The following DTNBP1 variants were observed in gnomAD, a reference collection of about 807,000 sequenced individuals.
The protein encoded by DTNBP1 is dysbindin.
A neutral mutation model predicts 42.8 loss-of-function variants in DTNBP1; 35 were observed. The ratio of observed to expected loss-of-function variants is 0.82; its 90% CI spans 0.63 to 1.09. The LOEUF is 1.09. DTNBP1 is among the 50% of genes least tolerant of loss of function. The pLI, the probability that DTNBP1 is intolerant of heterozygous loss-of-function variation, is 0.00. For synonymous variants in DTNBP1, 171 were observed against 162.2 expected (o/e 1.05, Z -0.41); for missense variants, 457 against 424.2 (o/e 1.08, Z -0.68).
chr6:15,627,486 C>G lies in DTNBP1; in HGVS notation c.223-11G>C. 6.2e-7 allele frequency: 1 copy of G among 1,613,702 alleles called. No individual in the cohort carries two copies. Among genetic ancestry groups the G allele is most frequent in the Non-Finnish European group, 8.5e-7 (1 of 1,179,836 alleles). On this transcript the variant is annotated splice_polypyrimidine_tract_variant and intron_variant, in intron 4 of 9. Transcript: ENST00000344537. ...CTCGCTATCCACCAGCTGCAGCACA[C>G]AAGAAGGGGGGTAAAGTGAAACCAG...
intron 7 of DTNBP1, among the ~76,000 whole-genome samples, chr6:15,575,837 C>T (rs1202526006): frequency 1.3e-5 from 2 of 152,126 alleles, no homozygotes; most frequent in Non-Finnish European, 1.5e-5. Context: ...CAGAGGGAAA[C>T]AGGAAATAGC....
At chr6:15,566,700 CCTTT>C (rs1336290577) in intron 7 of DTNBP1, among the ~76,000 whole-genome samples, 10 of 146,208 alleles carry the variant, frequency 6.8e-5, no homozygotes, top group African/African-American at 1.8e-4. Context: ...GAATGAATCT[CCTTT>C]TTTTTTTTTT....
intron 7 of DTNBP1, among the ~76,000 whole-genome samples, chr6:15,591,875 AG>A (rs1477319420): frequency 2.0e-5 from 3 of 152,254 alleles, no homozygotes; most frequent in Non-Finnish European, 4.4e-5. Flanking sequence ...GCATTTTATA[AG>A]GATTTCAAAT....
In DTNBP1 at chr6:15,590,046, C is replaced by A. The variant is rs188728697; in HGVS notation, c.511+3013G>T. 2.4e-3 allele frequency among the ~76,000 whole-genome samples: 367 copies of A among 152,244 alleles called. 1 individual carries two copies. The highest frequency in any genetic ancestry group is 8.5e-3 in the African/African-American group (355 of 41,542). On this transcript the variant is annotated intron_variant, in intron 7 of 9. Coordinates refer to ENST00000344537, the MANE Select transcript of DTNBP1 (RefSeq NM_032122.5). ...CTCCCAGGTTCAAGCAATTCTCATG[C>A]CCCAGCCTCCCAAGTAGCTGGGACT...
intron 7 of DTNBP1, among the ~76,000 whole-genome samples, chr6:15,563,508 T>A (rs1467208423): frequency 1.3e-5 from 2 of 152,228 alleles, no homozygotes; most frequent in South Asian, 2.1e-4. Flanking sequence ...TAACGTTAGA[T>A]ACTGACCATC....
intron 3 of DTNBP1, among the ~76,000 whole-genome samples, chr6:15,648,835 A>G (rs1017232131): frequency 6.6e-6 from 1 of 152,100 alleles, no homozygotes; most frequent in African/African-American, 2.4e-5. Flanking sequence ...TTTAATCCCA[A>G]TCAAAACCCC....
At chr6:15,585,796 G>A (rs1460091758) in intron 7 of DTNBP1, 1 of 1,522,500 alleles carries the variant, frequency 6.6e-7, no homozygotes, top group Non-Finnish European at 8.8e-7. Context: ...CAGAAGCTCA[G>A]TGCTGGTCAA....
rs117323260 is a variant in DTNBP1, at chr6:15,653,304, C to G, written c.57-1164G>C. On this transcript the variant is annotated intron_variant, in intron 1 of 9. Coordinates refer to ENST00000344537, the MANE Select transcript of DTNBP1 (RefSeq NM_032122.5). ...AGTACTCTCCCCTGATACTTCTGAG[C>G]TAGAAATGCATCTTCATCTATTAAC... Among the ~76,000 whole-genome samples, 37 of 152,310 alleles carry G rather than the reference C, an allele frequency of 2.4e-4. No individual in the cohort carries two copies. The East Asian group carries it at 7.1e-3, about 29-fold the overall frequency.
intron 7 of DTNBP1, among the ~76,000 whole-genome samples, chr6:15,562,835 G>A (rs902158720): frequency 2.0e-5 from 3 of 152,162 alleles, no homozygotes; most frequent in Admixed American, 1.3e-4. Flanking sequence ...AGCTGCCATC[G>A]TTTCTCACTA....
intron 4 of DTNBP1, among the ~76,000 whole-genome samples, chr6:15,633,104 G>A (rs930707131): frequency 2.0e-5 from 3 of 152,126 alleles, no homozygotes; most frequent in African/African-American, 7.2e-5. Context: ...ACAGAGTATC[G>A]ACAGCTAATA....
chr6:15,640,931 G>A (rs1172161011), intron 3 of DTNBP1, among the ~76,000 whole-genome samples: 6 of 152,252 alleles, frequency 3.9e-5, no homozygotes, highest in East Asian at 1.9e-4. Flanking sequence ...GCTTGTACAC[G>A]GCTTATGAAA....
Position 15,662,924 on chromosome 6 carries a change from G to C in DTNBP1, c.-55C>G. On this transcript the variant is annotated 5_prime_UTR_variant, in exon 1 of 10. Transcript: ENST00000344537. ...GCCTCGGGCTGCTGCTGCCTCTGTC[G>C]CCCCCTGGGTCCCACGCCGCCAACC... 1 of 1,596,672 alleles carries C rather than the reference G, an allele frequency of 6.3e-7. No individual in the cohort carries two copies. Among genetic ancestry groups the C allele is most frequent in the Non-Finnish European group, 8.5e-7 (1 of 1,176,850 alleles).
At chr6:15,562,964 C>G (rs1161665247) in intron 7 of DTNBP1, among the ~76,000 whole-genome samples, 1 of 152,238 alleles carries the variant, frequency 6.6e-6, no homozygotes, top group Non-Finnish European at 1.5e-5. Context: ...GTTTCCATTG[C>G]TCATTAAAAG....
Position 15,524,417 on chromosome 6 carries a change from T to C in DTNBP1, c.811+109A>G, listed in dbSNP as rs768829840. On this transcript the variant is annotated intron_variant, in intron 9 of 9. Coordinates refer to ENST00000344537, the MANE Select transcript of DTNBP1 (RefSeq NM_032122.5). ...AGGGAGCCAGGAGCTGGCTGTGAGC[T>C]TGGGGGTTTATGCGTAAGTGACTGG... 9 of 1,614,016 alleles carry C rather than the reference T, an allele frequency of 5.6e-6. No individual in the cohort carries two copies. The East Asian group carries it at 1.1e-4, about 20-fold the overall frequency.
At chr6:15,660,608 A>G in intron 1 of DTNBP1, 6 of 1,238,772 alleles carry the variant, frequency 4.8e-6, no homozygotes, top group Non-Finnish European at 6.3e-6. Context: ...GGCATCTTTA[A>G]GAAGTCAAGT....
intron 3 of DTNBP1, among the ~76,000 whole-genome samples, chr6:15,646,786 T>C (rs993589720): frequency 6.6e-6 from 1 of 152,078 alleles, no homozygotes; most frequent in Admixed American, 6.5e-5. Flanking sequence ...CCCTATTCAA[T>C]AAATGGTGCG....
chr6:15,539,933 G>T (rs1403266778), intron 7 of DTNBP1, among the ~76,000 whole-genome samples: 2 of 152,112 alleles, frequency 1.3e-5, no homozygotes, highest in African/African-American at 4.8e-5. Flanking sequence ...CACCTATTTC[G>T]TAAGGTTGTT....
intron 7 of DTNBP1, among the ~76,000 whole-genome samples, chr6:15,570,173 G>GA (rs796243087): frequency 1.1e-3 from 158 of 137,430 alleles, no homozygotes; most frequent in Middle Eastern, 7.4e-3. Context: ...AAGGTTTACA[G>GA]AAAAAAAAAA....
chr6:15,547,033 G>C (rs1561950628), intron 7 of DTNBP1, among the ~76,000 whole-genome samples: 1 of 147,866 alleles, frequency 6.8e-6, no homozygotes, highest in Admixed American at 6.9e-5. Context: ...AGCCACATCT[G>C]ACATGTTCCT....
Sources: gnomAD v4.1 joint callset for allele counts (sites outside exome capture counted in the v4.1 genomes callset) on GRCh38, gnomAD v4.1.1 for gene constraint, MANE v1.5 for transcripts, NCBI Gene and HGNC (gene_info 2026-07-23, HGNC 2026-07-21) for gene names.